KSR2: variants seen among roughly 807,000 people sequenced by gnomAD.
KSR2 encodes kinase suppressor of ras 2.
A neutral mutation model predicts 107.8 loss-of-function variants in KSR2; 25 were observed. That is an observed-to-expected ratio of 0.23 (90% CI 0.17 to 0.32). The LOEUF (loss-of-function observed/expected upper bound fraction) is 0.32. Ranked by LOEUF, KSR2 falls within the 10% of genes least tolerant of loss-of-function variation. KSR2 has a pLI of 1.00. For synonymous variants in KSR2, 480 were observed against 507.0 expected (o/e 0.95, Z 0.71); for missense variants, 887 against 1,268.9 (o/e 0.70, Z 4.57).
intron 4 of KSR2, among the ~76,000 whole-genome samples, chr12:117,707,161 T>C (rs1405449868): frequency 6.6e-6 from 1 of 152,218 alleles, no homozygotes; most frequent in Admixed American, 6.5e-5. Flanking sequence ...ATTCCATTCA[T>C]ATGTAATATT....
chr12:117,513,845 C>A (rs1365602612), intron 14 of KSR2, among the ~76,000 whole-genome samples: 2 of 152,210 alleles, frequency 1.3e-5, no homozygotes, highest in African/African-American at 2.4e-5. Context: ...GCAATCTGAC[C>A]AACCTGCATG....
chr12:117,792,019 G>A (rs1890268746), intron 3 of KSR2, among the ~76,000 whole-genome samples: 1 of 152,098 alleles, frequency 6.6e-6, no homozygotes, highest in African/African-American at 2.4e-5. Context: ...CCCTCTGTAA[G>A]ATGCAAAGGG....
chr12:117,966,693 C>CCT (rs34813956), intron 1 of KSR2, among the ~76,000 whole-genome samples: 1 of 148,510 alleles, frequency 6.7e-6, no homozygotes, highest in Non-Finnish European at 1.5e-5. Flanking sequence ...TTTCTCCCTC[C>CCT]CTCTCTCTCT....
chr12:117,652,277 C>T (rs1347909285), intron 5 of KSR2, among the ~76,000 whole-genome samples: 1 of 152,024 alleles, frequency 6.6e-6, no homozygotes, highest in East Asian at 1.9e-4. Context: ...CTCATGTAAC[C>T]AAATACCACC....
chr12:117,966,611 T>TCTCACACACACA (rs1555262158), intron 1 of KSR2, among the ~76,000 whole-genome samples: 7 of 77,252 alleles, frequency 9.1e-5, no homozygotes, highest in African/African-American at 3.4e-4. Flanking sequence ...TCTCTCTCTC[T>TCTCACACACACA]CACACGCGCA....
At chr12:117,834,508 T>C (rs1452887827) in intron 3 of KSR2, among the ~76,000 whole-genome samples, 3 of 151,736 alleles carry the variant, frequency 2.0e-5, no homozygotes, top group Admixed American at 6.6e-5. Context: ...CCTGAGTAGA[T>C]TGGAGATTTG....
Position 117,606,575 on chromosome 12 carries a change from C to T in KSR2, c.1172-24216G>A, listed in dbSNP as rs915319329. 3.6e-5 allele frequency among the ~76,000 whole-genome samples: 2 copies of T among 54,868 alleles called. 1 individual carries two copies. Among genetic ancestry groups the T allele is most frequent in the Non-Finnish European group, 6.4e-5 (2 of 31,438 alleles). The allele number at this position is 54,868 out of a possible 152,430, so 36.0% of individuals were successfully genotyped here. On this transcript the variant is annotated intron_variant, in intron 5 of 19. Coordinates refer to ENST00000339824, the MANE Select transcript of KSR2 (RefSeq NM_173598.6). ...TTCCTTTCTTCCTCCCCTTCTTCCT[C>T]CCTTCCCTTCTTCCTTCCTTCTTTC...
intron 4 of KSR2, among the ~76,000 whole-genome samples, chr12:117,737,525 G>A (rs1198374107): frequency 6.6e-6 from 1 of 152,114 alleles, no homozygotes; most frequent in Non-Finnish European, 1.5e-5. Context: ...GCTCGTGCCT[G>A]TAATCCCACC....
chr12:117,750,191 A>C (rs1045648636), intron 4 of KSR2, among the ~76,000 whole-genome samples: 8 of 151,104 alleles, frequency 5.3e-5, no homozygotes, highest in African/African-American at 1.7e-4. Context: ...CAGAGATTGC[A>C]GTGAGCCAAG....
At chr12:117,853,749 C>T (rs1402007402) in intron 3 of KSR2, among the ~76,000 whole-genome samples, 1 of 152,002 alleles carries the variant, frequency 6.6e-6, no homozygotes, top group Non-Finnish European at 1.5e-5. Context: ...ACTGAGAGGC[C>T]CCTCCCTGTC....
Position 117,639,697 on chromosome 12 carries a change from GA to G in KSR2, c.1171+27776del, listed in dbSNP as rs1883274581. The stretch of plus-strand genomic sequence containing the variant: ...TTTTACTGAAAGGGAAAGCCAGCGA[GA>G]AAACTCAAAACAATACTTGAGGTGG... On this transcript the variant is annotated intron_variant, in intron 5 of 19. Coordinates refer to ENST00000339824, the MANE Select transcript of KSR2 (RefSeq NM_173598.6). Among the ~76,000 whole-genome samples, 5 of 151,100 alleles carry G rather than the reference GA, an allele frequency of 3.3e-5. No homozygotes were observed. The South Asian group carries it at 1.1e-3, about 32-fold the overall frequency.
At chr12:117,721,691 G>T (rs1273407752) in intron 4 of KSR2, among the ~76,000 whole-genome samples, 1 of 152,164 alleles carries the variant, frequency 6.6e-6, no homozygotes, top group Non-Finnish European at 1.5e-5. Context: ...GAGGGCATAG[G>T]ATTCACAAAC....
At chr12:117,615,525 A>T (rs1388018349) in intron 5 of KSR2, among the ~76,000 whole-genome samples, 2 of 152,192 alleles carry the variant, frequency 1.3e-5, no homozygotes, top group African/African-American at 4.8e-5. Context: ...ATGCAATGTG[A>T]AAAGATGGTG....
At chr12:117,752,217 G>A (rs1459657563) in intron 4 of KSR2, among the ~76,000 whole-genome samples, 1 of 152,174 alleles carries the variant, frequency 6.6e-6, no homozygotes, top group Non-Finnish European at 1.5e-5. Flanking sequence ...TATCCAGCCT[G>A]GTTCTCTCTG....
At chr12:117,831,816 C>T (rs959546315) in intron 3 of KSR2, among the ~76,000 whole-genome samples, 5 of 152,196 alleles carry the variant, frequency 3.3e-5, no homozygotes, top group African/African-American at 9.7e-5. Context: ...CCACACAATC[C>T]AAGAACACAG....
At chr12:117,739,228 G>C (rs539690945) in intron 4 of KSR2, among the ~76,000 whole-genome samples, 4 of 151,932 alleles carry the variant, frequency 2.6e-5, no homozygotes, top group African/African-American at 9.7e-5. Context: ...GGTAGCGGGC[G>C]CCTGTAGTCC....
At chr12:117,495,386 G>C (rs1026535729) in intron 14 of KSR2, among the ~76,000 whole-genome samples, 3 of 152,204 alleles carry the variant, frequency 2.0e-5, no homozygotes, top group African/African-American at 7.2e-5. Flanking sequence ...AAAAATGCCA[G>C]GTTAGCTTCC....
At chr12:117,518,277 C>T (rs1388637930) in intron 14 of KSR2, among the ~76,000 whole-genome samples, 1 of 152,112 alleles carries the variant, frequency 6.6e-6, no homozygotes, top group East Asian at 1.9e-4. Flanking sequence ...TGGGGAAATC[C>T]AGTTCTTCCT....
At chr12:117,481,063 C>T (rs1016600144) in intron 16 of KSR2, among the ~76,000 whole-genome samples, 4 of 150,928 alleles carry the variant, frequency 2.7e-5, no homozygotes, top group African/African-American at 4.9e-5. Flanking sequence ...GATCCTGTCT[C>T]GAAAAAAAGA....
Sources: allele counts gnomAD v4.1 joint callset (sites outside exome capture counted in the v4.1 genomes callset), GRCh38; gene constraint gnomAD v4.1.1; transcripts MANE v1.5; gene names NCBI Gene and HGNC (gene_info 2026-07-23, HGNC 2026-07-21).